The following TRAPPC9 variants were observed in gnomAD, a reference collection of about 807,000 sequenced individuals.
The protein encoded by TRAPPC9 is IKK2 binding protein.
TRAPPC9 carries 83 observed loss-of-function variants against 124.0 expected under a neutral mutation model. That is an observed-to-expected ratio of 0.67 (90% CI 0.56 to 0.80). TRAPPC9 has a LOEUF of 0.80. Among genes scored for constraint, TRAPPC9 ranks in the 30% least tolerant of loss-of-function variants. TRAPPC9 has a pLI of 0.00. For synonymous variants in TRAPPC9, 638 were observed against 617.5 expected, an observed-to-expected ratio of 1.03 and a Z score of -0.49; for missense variants, 1,302 against 1,508.3, an observed-to-expected ratio of 0.86 and a Z score of 2.27.
At chr8:140,074,243 C>T (rs902725664) in intron 17 of TRAPPC9, among the ~76,000 whole-genome samples, 23 of 152,292 alleles carry the variant, frequency 1.5e-4, no homozygotes, top group African/African-American at 5.3e-4. Flanking sequence ...TCCTCCTACA[C>T]CCCTCCAGCC....
At chr8:140,437,409 G>C (rs1468019485) in intron 3 of TRAPPC9, among the ~76,000 whole-genome samples, 1 of 152,190 alleles carries the variant, frequency 6.6e-6, no homozygotes, top group Non-Finnish European at 1.5e-5. Context: ...CATATCAGCT[G>C]AGGTCGAGTT....
chr8:139,927,304 G>A (rs1358054320), intron 19 of TRAPPC9, among the ~76,000 whole-genome samples: 1 of 151,942 alleles, frequency 6.6e-6, no homozygotes, highest in African/African-American at 2.4e-5. Flanking sequence ...GAATGTGGTG[G>A]CACAGCCATA....
chr8:140,245,541 T>C (rs1009137973), intron 16 of TRAPPC9, among the ~76,000 whole-genome samples: 4 of 152,132 alleles, frequency 2.6e-5, no homozygotes, highest in Non-Finnish European at 4.4e-5. Context: ...CATTTTTAAA[T>C]GTACGGGGTC....
chr8:139,757,659 G>C (rs1444068297), intron 21 of TRAPPC9, among the ~76,000 whole-genome samples: 1 of 152,070 alleles, frequency 6.6e-6, no homozygotes, highest in Non-Finnish European at 1.5e-5. Context: ...GCCATCTAGA[G>C]GGAGTCCCCC....
intron 17 of TRAPPC9, among the ~76,000 whole-genome samples, chr8:140,198,462 C>G (rs1489678076): frequency 6.6e-6 from 1 of 152,078 alleles, no homozygotes; most frequent in Non-Finnish European, 1.5e-5. Context: ...ACTGGCTTGT[C>G]TGATCTTGCG....
chr8:139,951,087 C>T (rs1212109974), intron 19 of TRAPPC9, among the ~76,000 whole-genome samples: 4 of 152,182 alleles, frequency 2.6e-5, no homozygotes, highest in South Asian at 2.1e-4. Flanking sequence ...GGCCTGGTTA[C>T]GCCACCTCTC....
At chr8:139,936,028 G>A (rs1054799271) in intron 19 of TRAPPC9, among the ~76,000 whole-genome samples, 1 of 152,230 alleles carries the variant, frequency 6.6e-6, no homozygotes, top group African/African-American at 2.4e-5. Context: ...TGGGGAACCT[G>A]GTGCGAGCAC....
chr8:139,807,738 G>C (rs1243610680), intron 21 of TRAPPC9, among the ~76,000 whole-genome samples: 1 of 152,176 alleles, frequency 6.6e-6, no homozygotes, highest in Non-Finnish European at 1.5e-5. Flanking sequence ...TATGAGCACA[G>C]AGGTTGTTAA....
intron 21 of TRAPPC9, among the ~76,000 whole-genome samples, chr8:139,773,996 G>T (rs576869719): frequency 6.6e-6 from 1 of 152,216 alleles, no homozygotes; most frequent in African/African-American, 2.4e-5. Context: ...GGCCGGCTGC[G>T]AGGGGAGAGA....
chr8:139,938,103 A>G (rs1057183868), intron 19 of TRAPPC9, among the ~76,000 whole-genome samples: 54 of 152,354 alleles, frequency 3.5e-4, no homozygotes, highest in African/African-American at 1.3e-3. Context: ...TGCAATTGAC[A>G]ATTAGGGATA....
At chr8:140,173,553 C>CCAAAA (rs1178736686) in intron 17 of TRAPPC9, among the ~76,000 whole-genome samples, 2 of 59,804 alleles carry the variant, frequency 3.3e-5, no homozygotes, top group Admixed American at 1.6e-4. Context: ...GACTCTGTCT[C>CCAAAA]AAAAAAAAAA....
chr8:140,338,197 G>A (rs1224474780), intron 9 of TRAPPC9, among the ~76,000 whole-genome samples: 1 of 152,162 alleles, frequency 6.6e-6, no homozygotes, highest in African/African-American at 2.4e-5. Flanking sequence ...GCAAGACTGG[G>A]TGGCTGCATG....
chr8:139,748,991 G>A (rs1202461678), intron 21 of TRAPPC9, among the ~76,000 whole-genome samples: 1 of 152,154 alleles, frequency 6.6e-6, no homozygotes, highest in East Asian at 1.9e-4. Context: ...GCAGGAGGAA[G>A]ACATTTTCCA....
chr8:140,356,845 G>C (rs183358468), intron 9 of TRAPPC9, among the ~76,000 whole-genome samples: 28 of 152,192 alleles, frequency 1.8e-4, no homozygotes, highest in African/African-American at 6.7e-4. Context: ...CCTGACCTCA[G>C]GTGATCCGCC....
rs4736120 is a variant in TRAPPC9, at chr8:139,936,865, C to T, written c.2811-26565G>A. Among the ~76,000 whole-genome samples, 66 of 6,666 alleles carry T rather than the reference C, an allele frequency of 9.9e-3. 10 individuals are homozygous for T. The highest frequency in any genetic ancestry group is 0.5 in the Middle Eastern group (2 of 4). The allele number at this position is 6,666 out of a possible 152,430, so 4.4% of individuals were successfully genotyped here. A position where few individuals can be genotyped will look rare whatever the true frequency, so the allele number is the denominator to read the frequency against. On this transcript the variant is annotated intron_variant, in intron 19 of 22. Coordinates refer to ENST00000438773, the MANE Select transcript of TRAPPC9 (RefSeq NM_001160372.4). ...GGGCACTGCAGTGTGGTATAAAGCACGGAGAGAGTGGGGAGTGGGCACTGC... is the reference window on the plus strand; with the variant it reads ...GGGCACTGCAGTGTGGTATAAAGCATGGAGAGAGTGGGGAGTGGGCACTGC...
At chr8:140,413,777 T>C (rs1031037473) in intron 5 of TRAPPC9, among the ~76,000 whole-genome samples, 5 of 151,202 alleles carry the variant, frequency 3.3e-5, no homozygotes, top group Non-Finnish European at 5.9e-5. Flanking sequence ...TTTTAGTTCT[T>C]GCGATAGTTT....
In TRAPPC9 at chr8:140,353,284, G is replaced by A. The variant is rs953648886; in HGVS notation, c.1495+6766C>T. 1.3e-5 allele frequency among the ~76,000 whole-genome samples: 2 copies of A among 152,032 alleles called. No individual in the cohort carries two copies. The highest frequency in any genetic ancestry group is 2.9e-5 in the Non-Finnish European group (2 of 68,010). ...GAAATAAGGCACATCCTTAACACAG[G>A]TTCATTCACTGGCCCCCTCCCATCT... On this transcript the variant is annotated intron_variant, in intron 9 of 22. Transcript: ENST00000438773. This position sits in a 1 kb window ranked among gnomAD's most constrained non-coding sequence, Gnocchi z 4.2.
chr8:140,025,583 AAAG>A (rs1840094913), intron 17 of TRAPPC9, among the ~76,000 whole-genome samples: 1 of 152,012 alleles, frequency 6.6e-6, no homozygotes, highest in Admixed American at 6.5e-5. Context: ...AAAAAAAAGA[AAAG>A]AAAAAGGAAA....
chr8:139,835,294 C>G lies in TRAPPC9; in HGVS notation c.3055+50585G>C, dbSNP rs529798984. ...AGATGCTTTTTATGTGTTTTACATA[C>G]TGCGTTGTGCACACATTGCCTTTGA... On this transcript the variant is annotated intron_variant, in intron 21 of 22. Coordinates refer to ENST00000438773, the MANE Select transcript of TRAPPC9 (RefSeq NM_001160372.4). Among the ~76,000 whole-genome samples, 29 of 152,354 alleles carry G rather than the reference C, an allele frequency of 1.9e-4. No homozygotes were observed. The South Asian group carries it at 2.5e-3, about 13-fold the overall frequency.
Sources: allele counts gnomAD v4.1 joint callset (sites outside exome capture counted in the v4.1 genomes callset), GRCh38; gene constraint gnomAD v4.1.1; non-coding constraint Gnocchi (gnomAD v3.1); transcripts MANE v1.5; gene names NCBI Gene and HGNC (gene_info 2026-07-23, HGNC 2026-07-21).